Variants in SLC12A1 observed in about 807,000 individuals in gnomAD.
SLC12A1 encodes solute carrier family 12 member 1.
A neutral mutation model predicts 130.4 loss-of-function variants in SLC12A1; 89 were observed. The observed-to-expected ratio is 0.68, with a 90% CI of 0.58 to 0.81. The LOEUF (loss-of-function observed/expected upper bound fraction) is 0.81, where lower values mean the gene tolerates loss of function less well. Among genes scored for constraint, SLC12A1 ranks in the 40% least tolerant of loss-of-function variants. SLC12A1 has a pLI of 0.00. For missense variants in SLC12A1, 1,310 were observed against 1,336.4 expected (o/e 0.98, Z 0.31); for synonymous variants, 499 against 460.0 (o/e 1.08, Z -1.09).
chr15:48,254,267 T>C (rs899816039), intron 15 of SLC12A1, among the ~76,000 whole-genome samples: 1 of 152,124 alleles, frequency 6.6e-6, no homozygotes, highest in African/African-American at 2.4e-5. Context: ...TTAGGTCTAT[T>C]ATCCATTTTG....
chr15:48,236,071 C>T (rs917909646), intron 9 of SLC12A1, among the ~76,000 whole-genome samples: 6 of 144,610 alleles, frequency 4.1e-5, no homozygotes, highest in Non-Finnish European at 7.5e-5. Context: ...GGACATATAT[C>T]GGGGACAATA....
chr15:48,220,800 T>C (rs779235657), intron 3 of SLC12A1, 35 bp downstream of exon 3: 1 of 1,613,786 alleles, frequency 6.2e-7, no homozygotes, highest in East Asian at 2.2e-5. Context: ...ATGAAAACTA[T>C]CCATTCAATG....
At chr15:48,247,724 GC>G (rs1244936764) in intron 13 of SLC12A1, among the ~76,000 whole-genome samples, 1 of 152,146 alleles carries the variant, frequency 6.6e-6, no homozygotes, top group East Asian at 1.9e-4. Context: ...CCTCCCACCT[GC>G]CTGAAACTGT....
chr15:48,294,038 C>CA (rs765065568), intron 24 of SLC12A1, among the ~76,000 whole-genome samples: 351 of 110,208 alleles, frequency 3.2e-3, no homozygotes, highest in Admixed American at 5.1e-3. Context: ...GACCCTATCT[C>CA]AAAAAAAAAA....
chr15:48,244,724 G>A, intron 10 of SLC12A1, 29 bp from the exon 11 acceptor site: 2 of 1,612,792 alleles, frequency 1.2e-6, no homozygotes, highest in Non-Finnish European at 1.7e-6. Flanking sequence ...ACTTTATAAA[G>A]AAATAACAAG....
chr15:48,291,677 T>C, intron 23 of SLC12A1, 101 bp from the exon 24 acceptor site: 1 of 740,516 alleles, frequency 1.4e-6, no homozygotes, highest in East Asian at 2.7e-5. Context: ...TAAGCTGAAA[T>C]AAGACGTGAT....
rs2041504650 is a variant in SLC12A1, at chr15:48,240,563, C to A, written c.1216-952C>A. 2.6e-5 allele frequency among the ~76,000 whole-genome samples: 4 copies of A among 152,060 alleles called. No homozygotes were observed. The South Asian group carries it at 8.3e-4, about 32-fold the overall frequency. On this transcript the variant is annotated intron_variant, in intron 9 of 26. Coordinates refer to ENST00000380993, the MANE Select transcript of SLC12A1 (RefSeq NM_000338.3). ...TGACCTTTTTGATGGACTTTTTCAG[C>A]ATATTTATGTTTTCTTTTTAAAGCA...
Position 48,220,034 on chromosome 15 carries a change from G to A in SLC12A1, c.421-600G>A, listed in dbSNP as rs1321696832. On this transcript the variant is annotated intron_variant, in intron 2 of 26. Coordinates refer to ENST00000380993, the MANE Select transcript of SLC12A1 (RefSeq NM_000338.3). ...TAAGGCACAAGAATTGCCTTAACCCGGGAGGCACAGGTTGCAGTGAGCCAA... is the reference window on the plus strand; with the variant it reads ...TAAGGCACAAGAATTGCCTTAACCCAGGAGGCACAGGTTGCAGTGAGCCAA... Among the ~76,000 whole-genome samples the A allele has an allele frequency of 4.7e-5, 7 of 149,336 alleles. No individual in the cohort carries two copies. The East Asian group carries it at 6.0e-4, about 13-fold the overall frequency.
intron 18 of SLC12A1, 112 bp downstream of exon 18, chr15:48,267,813 G>C: frequency 1.8e-6 from 2 of 1,114,838 alleles, no homozygotes. Context: ...TCAGAGATCA[G>C]TGCAGATGGT....
At chr15:48,253,858 T>C (rs2041674413) in intron 15 of SLC12A1, among the ~76,000 whole-genome samples, 1 of 152,268 alleles carries the variant, frequency 6.6e-6, no homozygotes, top group Admixed American at 6.5e-5. Flanking sequence ...GCCATTCTAA[T>C]AGATGTGTAG....
intron 2 of SLC12A1, among the ~76,000 whole-genome samples, chr15:48,210,320 T>C (rs1254834696): frequency 6.6e-6 from 1 of 152,208 alleles, no homozygotes; most frequent in East Asian, 1.9e-4. Flanking sequence ...AATTTTTAAA[T>C]CTGCCTCCTT....
intron 13 of SLC12A1, among the ~76,000 whole-genome samples, chr15:48,247,671 T>C (rs2098292279): frequency 6.6e-6 from 1 of 152,250 alleles, no homozygotes; most frequent in African/African-American, 2.4e-5. Flanking sequence ...TCTTTGAATC[T>C]TGAGTGTTCG....
intron 15 of SLC12A1, 38 bp downstream of exon 15, chr15:48,251,808 T>G: frequency 6.3e-7 from 1 of 1,577,930 alleles, no homozygotes; most frequent in Non-Finnish European, 8.7e-7. Context: ...TTTCCAAATC[T>G]CTCTCTAACT....
intron 9 of SLC12A1, 151 bp downstream of exon 9, chr15:48,235,155 C>G (rs2041426258): frequency 1.2e-6 from 1 of 830,308 alleles, no homozygotes; most frequent in African/African-American, 1.7e-5. Context: ...AAAGTTCTCT[C>G]TTTTAATGCC....
intron 4 of SLC12A1, chr15:48,221,348 C>A: frequency 1.4e-6 from 1 of 701,836 alleles, no homozygotes; most frequent in East Asian, 2.7e-5. Flanking sequence ...GAGTATCCTT[C>A]TTGGCATGAT....
rs1566842802 is a variant in SLC12A1, at chr15:48,254,616, AAAAAAAAAAAAAAAC to A, written c.1943-1194_1943-1180del. Among the ~76,000 whole-genome samples, 9 of 139,902 alleles carry A rather than the reference AAAAAAAAAAAAAAAC, an allele frequency of 6.4e-5. No homozygotes were observed. The East Asian group carries it at 7.5e-4, about 12-fold the overall frequency. The allele number at this position is 139,902 out of a possible 152,430, so 91.8% of individuals were successfully genotyped here. ...GTAAAAAAAAAAAAAAAAAAAAAAA[AAAAAAAAAAAAAAAC>A]CCAAAAAAGACCGGGCACGGTGGCT... is the stretch of plus-strand genomic sequence containing the variant. On this transcript the variant is annotated intron_variant, in intron 15 of 26. Coordinates refer to ENST00000380993, the MANE Select transcript of SLC12A1 (RefSeq NM_000338.3).
At chr15:48,270,100 G>C (rs1341743346) in intron 19 of SLC12A1, among the ~76,000 whole-genome samples, 1 of 152,158 alleles carries the variant, frequency 6.6e-6, no homozygotes, top group Admixed American at 6.5e-5. Context: ...TGGAATCTTG[G>C]GTTGGCTGGT....
chr15:48,292,365 G>C (rs1329433103), intron 24 of SLC12A1, among the ~76,000 whole-genome samples: 1 of 152,010 alleles, frequency 6.6e-6, no homozygotes, highest in Non-Finnish European at 1.5e-5. Context: ...TGAATTTTGG[G>C]GGGACGTCTA....
chr15:48,224,678 T>C (rs896190186), intron 4 of SLC12A1: 6 of 152,178 alleles, frequency 3.9e-5, no homozygotes, highest in African/African-American at 7.2e-5. Context: ...CATCACTTTC[T>C]GGTAGAGAGG....
Sources: gnomAD v4.1 joint callset for allele counts (sites outside exome capture counted in the v4.1 genomes callset) on GRCh38, gnomAD v4.1.1 for gene constraint, MANE v1.5 for transcripts, NCBI Gene and HGNC (gene_info 2026-07-23, HGNC 2026-07-21) for gene names.